CREG2: variants seen among roughly 807,000 people sequenced by gnomAD.
The protein encoded by CREG2 is protein CREG2.
CREG2 carries 24 observed loss-of-function variants against 26.2 expected under a neutral mutation model. The observed-to-expected ratio is 0.92, with a 90% CI of 0.66 to 1.29. CREG2 has a LOEUF of 1.29. Ranked by LOEUF, CREG2 falls within the 50% of genes most tolerant of loss-of-function variation. CREG2 has a pLI of 0.00. For missense variants in CREG2, 366 were observed against 398.6 expected (o/e 0.92, Z 0.70); for synonymous variants, 174 against 169.2 (o/e 1.03, Z -0.22).
At position 101,383,622 on chromosome 2, in the gene CREG2, G is replaced by A. The variant is rs757494797; in HGVS notation, c.522C>T (p.Tyr174=). Residue 174 remains tyrosine (Y), a synonymous_variant, in exon 2 of 4, where the codon TAC becomes TAT. Coordinates refer to ENST00000324768, the MANE Select transcript of CREG2 (RefSeq NM_153836.4). The stretch of plus-strand genomic sequence containing the variant: ...CCACCACGGGGTCCTTGGCTGTCAT[G>A]TAGAAGAAAGGAATCCCAGTGCTAT... ...FNNSTGIPFF[Y]MTAKDPVVAD... is the part of the protein sequence containing the mutation. The A allele has an allele frequency of 2.4e-5, 39 of 1,614,046 alleles. No homozygotes were observed. The highest frequency in any genetic ancestry group is 3.1e-5 in the Non-Finnish European group (37 of 1,180,002).
intron 2 of CREG2, among the ~76,000 whole-genome samples, chr2:101,379,181 C>T (rs1357617360): frequency 1.3e-5 from 2 of 152,108 alleles, no homozygotes; most frequent in Non-Finnish European, 2.9e-5. Flanking sequence ...AGGACAACTG[C>T]GTCCCATTAA....
intron 2 of CREG2, among the ~76,000 whole-genome samples, chr2:101,358,851 C>T (rs1404783407): frequency 3.9e-5 from 1 of 25,826 alleles, no homozygotes; most frequent in South Asian, 1.9e-3. Flanking sequence ...CCGGCTAAAA[C>T]GGTGAAACCC....
chr2:101,361,565 C>T (rs1020547380), intron 2 of CREG2, among the ~76,000 whole-genome samples: 3 of 152,184 alleles, frequency 2.0e-5, no homozygotes, highest in Non-Finnish European at 4.4e-5. Context: ...AGACTCTGCC[C>T]CAGGGCTTCC....
At chr2:101,367,130 G>A (rs1422849978) in intron 2 of CREG2, among the ~76,000 whole-genome samples, 1 of 152,018 alleles carries the variant, frequency 6.6e-6, no homozygotes, top group African/African-American at 2.4e-5. Flanking sequence ...CTCATCTTGG[G>A]TTAGAATTTT....
chr2:101,378,908 A>T (rs944204451), intron 2 of CREG2, among the ~76,000 whole-genome samples: 3 of 152,036 alleles, frequency 2.0e-5, no homozygotes, highest in Non-Finnish European at 4.4e-5. Context: ...CAGGACGCTG[A>T]GGCAGGAGAA....
At chr2:101,366,019 C>T (rs1303669263) in intron 2 of CREG2, among the ~76,000 whole-genome samples, 1 of 152,196 alleles carries the variant, frequency 6.6e-6, no homozygotes, top group Non-Finnish European at 1.5e-5. Flanking sequence ...TATTATTCCC[C>T]AGTTTACGTT....
At chr2:101,357,134 G>A (rs1169342440) in intron 2 of CREG2, among the ~76,000 whole-genome samples, 3 of 152,130 alleles carry the variant, frequency 2.0e-5, no homozygotes, top group African/African-American at 4.8e-5. Context: ...TGATTCGCCC[G>A]CCTCAGCCTC....
intron 2 of CREG2, among the ~76,000 whole-genome samples, chr2:101,379,987 C>CTATG (rs2104484727): frequency 6.8e-6 from 1 of 147,964 alleles, no homozygotes; most frequent in South Asian, 2.1e-4. Context: ...ATCTATCTAT[C>CTATG]TATCTATCTA....
At chr2:101,358,236 C>A (rs1196236247) in intron 2 of CREG2, among the ~76,000 whole-genome samples, 1 of 152,140 alleles carries the variant, frequency 6.6e-6, no homozygotes, top group Admixed American at 6.5e-5. Flanking sequence ...AAGTGATCCA[C>A]CTGCCTTGGC....
In CREG2 at chr2:101,368,337, T is replaced by C. The variant is rs188109899; in HGVS notation, c.612-12971A>G. The stretch of plus-strand genomic sequence containing the variant: ...AAAAGAAAAAAAAAAAGAATACGTC[T>C]GTGCTGTTCTAAAGCACGAAGTCTG... On this transcript the variant is annotated intron_variant, in intron 2 of 3. Transcript: ENST00000324768. Among the ~76,000 whole-genome samples the C allele has an allele frequency of 2.7e-4, 41 of 150,940 alleles. 2 individuals carry two copies. In the East Asian group the frequency reaches 6.8e-3, roughly 25 times the overall value.
In CREG2 at chr2:101,387,448, G is replaced by T. The variant is rs1334715353; in HGVS notation, c.10C>A (p.Arg4Ser). 9.1e-6 allele frequency: 11 copies of T among 1,204,696 alleles called. No individual in the cohort carries two copies. In the Admixed American group the frequency reaches 1.7e-4, roughly 19 times the overall value. The allele number at this position is 1,204,696 out of a possible 1,614,324, so 74.6% of individuals were successfully genotyped here. Residue 4 changes from arginine (R) to serine (S), a missense_variant, in exon 1 of 4, where the codon CGC (arginine) becomes AGC (serine). Physicochemically the swap from Arg to Ser is moderately radical, Grantham distance 110. Coordinates refer to ENST00000324768, the MANE Select transcript of CREG2 (RefSeq NM_153836.4). This position sits in a 1 kb window ranked among gnomAD's most constrained non-coding sequence, Gnocchi z 4.7. MSVRRGRRPARPGT... is the reference protein window; with the variant it reads MSVSRGRRPARPGT... ...GGCCGCGCCGGCCGCCGGCCGCGGC[G>T]CACGGACATCTTGCAGGCAGCACGC... is the stretch of plus-strand genomic sequence containing the variant.
intron 2 of CREG2, among the ~76,000 whole-genome samples, chr2:101,380,500 C>T (rs1024010436): frequency 1.1e-4 from 17 of 152,256 alleles, no homozygotes; most frequent in Non-Finnish European, 1.9e-4. Context: ...AACTTCCTCC[C>T]TGTCAGGACT....
chr2:101,370,187 CTT>C (rs754790921), intron 2 of CREG2, among the ~76,000 whole-genome samples: 2 of 152,156 alleles, frequency 1.3e-5, no homozygotes, highest in Non-Finnish European at 2.9e-5. Flanking sequence ...TCTTGGGACT[CTT>C]ATAAGAATCA....
rs375158712 is a variant in CREG2, at chr2:101,353,965, G to A, written c.725+1288C>T. Among the ~76,000 whole-genome samples the A allele has an allele frequency of 1.5e-4, 23 of 152,160 alleles. No individual in the cohort carries two copies. The East Asian group carries it at 1.7e-3, about 12-fold the overall frequency. On this transcript the variant is annotated intron_variant, in intron 3 of 3. Coordinates refer to ENST00000324768, the MANE Select transcript of CREG2 (RefSeq NM_153836.4). ...GAACATCACACACCCGGGGCCTGTCGGGGGGTGGAGGCAAGAGGATGGAAA... is the reference window on the plus strand; with the variant it reads ...GAACATCACACACCCGGGGCCTGTCAGGGGGTGGAGGCAAGAGGATGGAAA...
At position 101,350,770 on chromosome 2, in the gene CREG2, G is replaced by C. The variant is rs1684369455; in HGVS notation, c.*153C>G. 3 of 730,268 alleles carry C rather than the reference G, an allele frequency of 4.1e-6. No homozygotes were observed. The highest frequency in any genetic ancestry group is 3.7e-5 in the South Asian group (2 of 54,568). The allele number at this position is 730,268 out of a possible 1,614,324, so 45.2% of individuals were successfully genotyped here. ...CCACTTTAATCTCAAATCTAGCATA[G>C]AGTTCCCTGTTCACCCTCTCTCATT... On this transcript the variant is annotated 3_prime_UTR_variant, in exon 4 of 4. Coordinates refer to ENST00000324768, the MANE Select transcript of CREG2 (RefSeq NM_153836.4).
chr2:101,376,798 G>C (rs1309410275), intron 2 of CREG2, among the ~76,000 whole-genome samples: 1 of 152,110 alleles, frequency 6.6e-6, no homozygotes, highest in Admixed American at 6.5e-5. Flanking sequence ...TTTGCCCCGG[G>C]AATAATGGAC....
chr2:101,366,502 A>G (rs893948762), intron 2 of CREG2, among the ~76,000 whole-genome samples: 7 of 152,108 alleles, frequency 4.6e-5, no homozygotes, highest in African/African-American at 1.4e-4. Flanking sequence ...ATTTAGGAAA[A>G]AAAAAGCTAC....
At chr2:101,369,852 AT>A (rs1684677845) in intron 2 of CREG2, among the ~76,000 whole-genome samples, 1 of 152,232 alleles carries the variant, frequency 6.6e-6, no homozygotes, top group Non-Finnish European at 1.5e-5. Flanking sequence ...AGCAAGTTTC[AT>A]GTCTTGCCTC....
chr2:101,380,049 T>TCATC (rs949945604), intron 2 of CREG2, among the ~76,000 whole-genome samples: 2 of 149,006 alleles, frequency 1.3e-5, no homozygotes, highest in African/African-American at 4.8e-5. Context: ...TATCATCTAT[T>TCATC]CATCCATCCA....
Sources: gnomAD v4.1 joint callset for allele counts (sites outside exome capture counted in the v4.1 genomes callset) on GRCh38, gnomAD v4.1.1 for gene constraint, Gnocchi (gnomAD v3.1) non-coding constraint, MANE v1.5 for transcripts, NCBI Gene and HGNC (gene_info 2026-07-23, HGNC 2026-07-21) for gene names.